RTN4: variants seen among roughly 807,000 people sequenced by gnomAD.
The protein encoded by RTN4 is reticulon 4, also known as reticulon-4.
RTN4 carries 32 observed loss-of-function variants against 90.4 expected under a neutral mutation model. The observed-to-expected ratio is 0.35, with a 90% CI of 0.27 to 0.48. The LOEUF (loss-of-function observed/expected upper bound fraction) is 0.48. Among genes scored for constraint, RTN4 ranks in the 20% least tolerant of loss-of-function variants. The pLI is 0.99. For synonymous variants in RTN4, 629 were observed against 552.5 expected, an observed-to-expected ratio of 1.14 and a Z score of -1.94; for missense variants, 1,706 against 1,430.2, an observed-to-expected ratio of 1.19 and a Z score of -3.11.
intron 1 of RTN4, among the ~76,000 whole-genome samples, chr2:55,047,280 A>C (rs1667808710): frequency 1.3e-5 from 2 of 151,772 alleles, no homozygotes; most frequent in Non-Finnish European, 2.9e-5. Context: ...CAGTGAGCCA[A>C]GATTGCGTCA....
At chr2:55,041,794 A>C (rs2104942984) in intron 1 of RTN4, among the ~76,000 whole-genome samples, 1 of 152,226 alleles carries the variant, frequency 6.6e-6, no homozygotes, top group African/African-American at 2.4e-5. Flanking sequence ...TATGATCCTC[A>C]AGAAGGATTT....
chr2:55,089,945 C>A (rs1270743093), intron 1 of RTN4, among the ~76,000 whole-genome samples: 1 of 152,184 alleles, frequency 6.6e-6, no homozygotes, highest in East Asian at 1.9e-4. Context: ...CTCCCCTGGT[C>A]CCCACCCCAA....
At chr2:54,988,284 T>TC (rs1479870037) in intron 3 of RTN4, among the ~76,000 whole-genome samples, 1 of 152,224 alleles carries the variant, frequency 6.6e-6, no homozygotes, top group Non-Finnish European at 1.5e-5. Flanking sequence ...ACCTCTGCAC[T>TC]CCAGAATGGG....
intron 3 of RTN4, among the ~76,000 whole-genome samples, chr2:55,003,008 A>C (rs1320727034): frequency 2.6e-5 from 4 of 152,208 alleles, no homozygotes; most frequent in African/African-American, 9.6e-5. Flanking sequence ...GTAGGCACCA[A>C]GTCTTAGAAA....
chr2:55,048,031 A>AC (rs1667866155), intron 1 of RTN4, among the ~76,000 whole-genome samples: 2 of 152,228 alleles, frequency 1.3e-5, no homozygotes, highest in African/African-American at 4.8e-5. Context: ...AGAGCCTACT[A>AC]CATACCTATA....
rs781640984 is a variant in RTN4, at chr2:54,973,612, C to T, written c.3487G>A (p.Asp1163Asn). 6.2e-7 allele frequency: 1 copy of T among 1,609,508 alleles called. No homozygotes were observed. The change falls in exon 8 of 9, where the codon GAT becomes AAT. Residue 1163 changes from aspartate (D) to asparagine (N), a missense_variant. Transcript: ENST00000337526. ...VIYERHQAQI[D>N]HYLGLANKNV... ...TTATTTGCAAGTCCTAGATAATGAT[C>T]TATCTGTGCCTGAAAGAGAGGTATA...
intron 1 of RTN4, among the ~76,000 whole-genome samples, chr2:55,102,887 G>A (rs1349823249): frequency 1.3e-5 from 2 of 152,082 alleles, no homozygotes; most frequent in African/African-American, 4.8e-5. Flanking sequence ...GGGAGGCTGA[G>A]GCGGGCGGAT....
At chr2:55,079,876 G>C (rs1668676589) in intron 2 of RTN4, among the ~76,000 whole-genome samples, 1 of 152,180 alleles carries the variant, frequency 6.6e-6, no homozygotes, top group African/African-American at 2.4e-5. Flanking sequence ...GACTGCCTGG[G>C]TCCAAATCCT....
intron 1 of RTN4, among the ~76,000 whole-genome samples, chr2:55,102,340 T>C (rs952195915): frequency 1.2e-4 from 18 of 152,152 alleles, no homozygotes; most frequent in Admixed American, 3.3e-4. Flanking sequence ...GGCCAGATAG[T>C]AAATCTTTTA....
At chr2:55,073,948 A>T (rs1276354838) in intron 2 of RTN4, among the ~76,000 whole-genome samples, 1 of 152,176 alleles carries the variant, frequency 6.6e-6, no homozygotes, top group African/African-American at 2.4e-5. Flanking sequence ...CACCTGCCCC[A>T]GTTTCGTTGC....
chr2:55,003,213 C>T (rs966745083), intron 3 of RTN4, among the ~76,000 whole-genome samples: 5 of 152,140 alleles, frequency 3.3e-5, no homozygotes, highest in African/African-American at 9.7e-5. Flanking sequence ...TCTTCCATAA[C>T]CTTATATAAC....
At chr2:54,992,207 C>T (rs1573319425) in intron 3 of RTN4, among the ~76,000 whole-genome samples, 1 of 152,072 alleles carries the variant, frequency 6.6e-6, no homozygotes, top group East Asian at 1.9e-4. Context: ...AGAGTGAAAC[C>T]CAGCTCCTAC....
chr2:55,057,874 T>G (rs987699669), intron 2 of RTN4, among the ~76,000 whole-genome samples: 1 of 152,102 alleles, frequency 6.6e-6, no homozygotes, highest in African/African-American at 2.4e-5. Context: ...TTCTAGCTAC[T>G]TGGGAGGCTA....
chr2:55,065,774 C>T (rs1668379020), intron 2 of RTN4, among the ~76,000 whole-genome samples: 1 of 151,730 alleles, frequency 6.6e-6, no homozygotes, highest in Non-Finnish European at 1.5e-5. Flanking sequence ...ACATGCAAAA[C>T]TAATCTATGG....
chr2:55,040,574 C>T (rs1453823403), intron 1 of RTN4, among the ~76,000 whole-genome samples: 2 of 152,122 alleles, frequency 1.3e-5, no homozygotes, highest in Non-Finnish European at 2.9e-5. Context: ...CGTAGGCAGA[C>T]CTGGAATCCT....
intron 1 of RTN4, among the ~76,000 whole-genome samples, chr2:55,082,401 C>T (rs1471901801): frequency 6.6e-6 from 1 of 152,168 alleles, no homozygotes; most frequent in Non-Finnish European, 1.5e-5. Context: ...AAATCAGGAG[C>T]AGCCACCACA....
intron 2 of RTN4, among the ~76,000 whole-genome samples, chr2:55,062,651 A>T (rs139110296): frequency 2.0e-5 from 3 of 152,244 alleles, no homozygotes; most frequent in Non-Finnish European, 4.4e-5. Context: ...GAGACACAGA[A>T]TATCTGACCC....
chr2:54,991,089 T>A (rs1198860626), intron 3 of RTN4, among the ~76,000 whole-genome samples: 3 of 152,160 alleles, frequency 2.0e-5, no homozygotes, highest in Admixed American at 2.0e-4. Context: ...GCCTCTCAAA[T>A]CTATTTTTCA....
At chr2:55,044,395 GAAAC>G (rs745585359) in intron 1 of RTN4, among the ~76,000 whole-genome samples, 56 of 151,422 alleles carry the variant, frequency 3.7e-4, no homozygotes, top group Non-Finnish European at 6.2e-4. Flanking sequence ...TGTCTCAAAA[GAAAC>G]AAACAAACAA....
Sources: gnomAD v4.1 joint callset for allele counts (sites outside exome capture counted in the v4.1 genomes callset) on GRCh38, gnomAD v4.1.1 for gene constraint, MANE v1.5 for transcripts, NCBI Gene and HGNC (gene_info 2026-07-23, HGNC 2026-07-21) for gene names.